CSMD1: variants seen among roughly 807,000 people sequenced by gnomAD.
CSMD1 encodes CUB and Sushi multiple domains 1, also known as CUB and sushi domain-containing protein 1.
In CSMD1, 213 loss-of-function variants were observed where a neutral mutation model predicts 417.5. The ratio of observed to expected loss-of-function variants is 0.51; its 90% CI spans 0.46 to 0.57. The LOEUF (loss-of-function observed/expected upper bound fraction) is 0.57. CSMD1 is among the 20% of genes least tolerant of loss of function. The pLI is 0.00. For missense variants in CSMD1, 6,923 were observed against 4,529.7 expected (o/e 1.53, Z -15.17); for synonymous variants, 2,862 against 1,736.8 (o/e 1.65, Z -16.11).
intron 12 of CSMD1, among the ~76,000 whole-genome samples, chr8:3,430,511 T>C (rs1814147278): frequency 6.6e-6 from 1 of 152,160 alleles, no homozygotes; most frequent in Admixed American, 6.6e-5. Flanking sequence ...TTACAACATG[T>C]TAAAGCATTT....
intron 50 of CSMD1, among the ~76,000 whole-genome samples, chr8:3,041,803 T>C (rs201127989): frequency 1.7e-4 from 26 of 152,038 alleles, no homozygotes; most frequent in African/African-American, 6.3e-4. Context: ...AGCTTCTTTC[T>C]GGCAGCCATC....
intron 9 of CSMD1, among the ~76,000 whole-genome samples, chr8:3,575,826 C>G (rs1800127794): frequency 7.1e-6 from 1 of 140,138 alleles, no homozygotes; most frequent in Non-Finnish European, 1.5e-5. Context: ...TTTAATTGGC[C>G]TCCAGTTTAT....
chr8:4,202,842 T>C (rs1162862801), intron 3 of CSMD1, among the ~76,000 whole-genome samples: 1 of 152,148 alleles, frequency 6.6e-6, no homozygotes, highest in Non-Finnish European at 1.5e-5. Context: ...AGCTGAAACT[T>C]GAAACATCAA....
intron 5 of CSMD1, among the ~76,000 whole-genome samples, chr8:3,839,318 T>C (rs1204860371): frequency 8.2e-6 from 1 of 122,606 alleles, no homozygotes. Context: ...ACTATTAATA[T>C]ATATTAATTA....
At chr8:3,552,982 A>G (rs1022633193) in intron 10 of CSMD1, among the ~76,000 whole-genome samples, 2 of 152,294 alleles carry the variant, frequency 1.3e-5, no homozygotes, top group South Asian at 4.1e-4. Context: ...AGTTCACCAC[A>G]TATTTAGACC....
intron 10 of CSMD1, among the ~76,000 whole-genome samples, chr8:3,506,161 G>A (rs939676372): frequency 1.3e-5 from 2 of 152,158 alleles, no homozygotes; most frequent in African/African-American, 4.8e-5. Flanking sequence ...CAGGGAGGCA[G>A]CTGAAACTCA....
At chr8:3,346,620 G>A (rs868412330) in intron 22 of CSMD1, among the ~76,000 whole-genome samples, 1 of 152,132 alleles carries the variant, frequency 6.6e-6, no homozygotes, top group East Asian at 1.9e-4. Context: ...AGGAAGTAAG[G>A]CCCTTTAATC....
At chr8:4,116,125 T>G (rs1194704692) in intron 3 of CSMD1, among the ~76,000 whole-genome samples, 1 of 151,906 alleles carries the variant, frequency 6.6e-6, no homozygotes, top group Non-Finnish European at 1.5e-5. Context: ...CCCAAGTAGC[T>G]GGGATTTACA....
intron 2 of CSMD1, among the ~76,000 whole-genome samples, chr8:4,545,088 A>C (rs1236975631): frequency 6.6e-6 from 1 of 152,240 alleles, no homozygotes; most frequent in Non-Finnish European, 1.5e-5. Context: ...GATGTATATA[A>C]AAGGCATGTT....
At chr8:3,406,268 T>C in intron 14 of CSMD1, 47 bp from the exon 15 acceptor site, 1 of 1,422,838 alleles carries the variant, frequency 7.0e-7, no homozygotes, top group Non-Finnish European at 9.5e-7. Flanking sequence ...ACTTGAGTAT[T>C]AATTACATGT....
At chr8:4,761,351 A>G (rs1250953761) in intron 1 of CSMD1, among the ~76,000 whole-genome samples, 2 of 149,602 alleles carry the variant, frequency 1.3e-5, no homozygotes, top group African/African-American at 4.9e-5. Flanking sequence ...CATTAATTAC[A>G]TCTTGAAATC....
chr8:3,995,417 C>T (rs375747193), intron 5 of CSMD1, among the ~76,000 whole-genome samples: 13 of 152,312 alleles, frequency 8.5e-5, no homozygotes, highest in African/African-American at 2.9e-4. Context: ...TGCTAAATTG[C>T]TTTTCCATCT....
chr8:4,452,869 G>T (rs772041601), intron 2 of CSMD1, among the ~76,000 whole-genome samples: 1 of 152,118 alleles, frequency 6.6e-6, no homozygotes, highest in Admixed American at 6.6e-5. Context: ...ATATAGGAAG[G>T]CCGACTGTGA....
At chr8:3,531,821 G>C (rs1797992922) in intron 10 of CSMD1, among the ~76,000 whole-genome samples, 1 of 152,240 alleles carries the variant, frequency 6.6e-6, no homozygotes, top group South Asian at 2.1e-4. Context: ...GGGGATGCCA[G>C]CAGTTGCACA....
intron 1 of CSMD1, among the ~76,000 whole-genome samples, chr8:4,850,706 C>T (rs1446179394): frequency 1.3e-5 from 2 of 152,052 alleles, no homozygotes; most frequent in African/African-American, 2.4e-5. Context: ...GGATGAAGTG[C>T]AGAGTGTCGT....
At chr8:3,841,031 G>C (rs1399016422) in intron 5 of CSMD1, among the ~76,000 whole-genome samples, 3 of 152,004 alleles carry the variant, frequency 2.0e-5, no homozygotes, top group South Asian at 2.1e-4. Context: ...TTTGGTACAT[G>C]AGTCTTAGGG....
intron 3 of CSMD1, among the ~76,000 whole-genome samples, chr8:4,233,781 G>A (rs967939198): frequency 6.6e-5 from 10 of 152,140 alleles, no homozygotes; most frequent in African/African-American, 2.2e-4. Flanking sequence ...TATCTGAGAA[G>A]AAGTAGAGTA....
rs190118870 is a variant in CSMD1, at chr8:3,556,051, C to G, written c.1344+18894G>C. ...ATAGAGGAATTTGACATTAACTTTT[C>G]GCTCTAGATGTTCTTAAGTATGTAT... On this transcript the variant is annotated intron_variant, in intron 10 of 69. Coordinates refer to ENST00000635120, the MANE Select transcript of CSMD1 (RefSeq NM_033225.6). Among the ~76,000 whole-genome samples the G allele has an allele frequency of 5.3e-5, 8 of 152,174 alleles. 1 individual carries two copies. Among genetic ancestry groups the G allele is most frequent in the Admixed American group, 3.9e-4 (6 of 15,278 alleles).
At chr8:4,761,789 A>T (rs1298148500) in intron 1 of CSMD1, among the ~76,000 whole-genome samples, 1 of 152,118 alleles carries the variant, frequency 6.6e-6, no homozygotes, top group East Asian at 1.9e-4. Context: ...TTGTCTTAAT[A>T]TTGTGAATAA....
Sources: gnomAD v4.1 joint callset for allele counts (sites outside exome capture counted in the v4.1 genomes callset) on GRCh38, gnomAD v4.1.1 for gene constraint, MANE v1.5 for transcripts, NCBI Gene and HGNC (gene_info 2026-07-23, HGNC 2026-07-21) for gene names.